PAPPA2: variants seen among roughly 807,000 people sequenced by gnomAD.
The protein encoded by PAPPA2 is pappalysin-2.
PAPPA2 carries 86 observed loss-of-function variants against 176.4 expected under a neutral mutation model. The ratio of observed to expected loss-of-function variants is 0.49; its 90% CI spans 0.41 to 0.58. The LOEUF (loss-of-function observed/expected upper bound fraction) is 0.58. Ranked by LOEUF, PAPPA2 falls within the 20% of genes least tolerant of loss-of-function variation. PAPPA2 has a pLI of 0.00. For synonymous variants in PAPPA2, 809 were observed against 852.2 expected, an observed-to-expected ratio of 0.95 and a Z score of 0.88; for missense variants, 2,073 against 2,256.9, an observed-to-expected ratio of 0.92 and a Z score of 1.65.
intron 1 of PAPPA2, among the ~76,000 whole-genome samples, chr1:176,548,097 A>G (rs1650738434): frequency 6.6e-6 from 1 of 152,224 alleles, no homozygotes; most frequent in African/African-American, 2.4e-5. Context: ...TTAGATGAAA[A>G]TGAAATATTT....
At chr1:176,513,809 G>A (rs1648752328) in intron 1 of PAPPA2, among the ~76,000 whole-genome samples, 2 of 152,074 alleles carry the variant, frequency 1.3e-5, no homozygotes, top group Admixed American at 1.3e-4. Context: ...GAATCTTGGT[G>A]GAAGCTCAAG....
chr1:176,752,786 A>C (rs1001612324), intron 14 of PAPPA2, among the ~76,000 whole-genome samples: 5 of 152,216 alleles, frequency 3.3e-5, no homozygotes, highest in African/African-American at 1.2e-4. Flanking sequence ...TGTTAATCTT[A>C]TCTTCAGGTT....
intron 20 of PAPPA2, among the ~76,000 whole-genome samples, chr1:176,794,450 C>G (rs1258538374): frequency 6.6e-6 from 1 of 152,164 alleles, no homozygotes; most frequent in Non-Finnish European, 1.5e-5. Context: ...ACAAATCTTA[C>G]CCCTTGGAAA....
chr1:176,560,229 A>T (rs539919141), intron 2 of PAPPA2, among the ~76,000 whole-genome samples: 4 of 152,314 alleles, frequency 2.6e-5, no homozygotes, highest in Admixed American at 6.5e-5. Flanking sequence ...ACTAACTTGC[A>T]CTTTAGCAAC....
intron 1 of PAPPA2, among the ~76,000 whole-genome samples, chr1:176,504,389 A>G (rs1323058092): frequency 6.6e-6 from 1 of 152,122 alleles, no homozygotes; most frequent in East Asian, 1.9e-4. Context: ...ATATATAAAT[A>G]TATTCTGTTC....
At chr1:176,653,783 T>C (rs1202738177) in intron 3 of PAPPA2, among the ~76,000 whole-genome samples, 2 of 151,650 alleles carry the variant, frequency 1.3e-5, no homozygotes, top group Non-Finnish European at 3.0e-5. Context: ...CTTTTGGAAT[T>C]GCATTTGTCA....
At chr1:176,731,160 T>G (rs1241898487) in intron 12 of PAPPA2, among the ~76,000 whole-genome samples, 1 of 152,128 alleles carries the variant, frequency 6.6e-6, no homozygotes, top group African/African-American at 2.4e-5. Context: ...CTTTTCCTTT[T>G]TAAATTTGTG....
chr1:176,587,556 C>A (rs1184627432), intron 2 of PAPPA2, among the ~76,000 whole-genome samples: 1 of 152,158 alleles, frequency 6.6e-6, no homozygotes, highest in Non-Finnish European at 1.5e-5. Context: ...GATCCTTTCC[C>A]CATTCCCTGT....
chr1:176,739,841 A>G, intron 13 of PAPPA2, 80 bp downstream of exon 13: 8 of 1,581,908 alleles, frequency 5.1e-6, no homozygotes, highest in Non-Finnish European at 6.9e-6. Context: ...TCTGTCTTTT[A>G]TGTTGTCTGG....
intron 21 of PAPPA2, among the ~76,000 whole-genome samples, chr1:176,801,787 T>C (rs571774989): frequency 1.1e-4 from 17 of 152,248 alleles, no homozygotes; most frequent in African/African-American, 3.8e-4. Flanking sequence ...ATGACAGGGC[T>C]TGGAGCTGGC....
At chr1:176,571,203 C>T (rs1253695329) in intron 2 of PAPPA2, among the ~76,000 whole-genome samples, 4 of 152,142 alleles carry the variant, frequency 2.6e-5, no homozygotes, top group Admixed American at 2.6e-4. Flanking sequence ...TCCACATGAC[C>T]CACCCATTAC....
At chr1:176,548,977 G>C (rs1286257951) in intron 1 of PAPPA2, among the ~76,000 whole-genome samples, 3 of 152,112 alleles carry the variant, frequency 2.0e-5, no homozygotes, top group Non-Finnish European at 4.4e-5. Flanking sequence ...GAATCAATTA[G>C]TATATATGAA....
Position 176,544,516 on chromosome 1 carries a change from C to T in PAPPA2, c.-916-10891C>T, listed in dbSNP as rs72715197. On this transcript the variant is annotated intron_variant, in intron 1 of 22. Transcript: ENST00000367662. ...TCAAATACTTTCGAGTAGGAAATCC[C>T]GACTGTTTTTCTTTATATTCATATG... Among the ~76,000 whole-genome samples, 375 of 152,194 alleles carry T rather than the reference C, an allele frequency of 2.5e-3. 1 individual carries two copies. The highest frequency in any genetic ancestry group is 5.4e-3 in the South Asian group (26 of 4,822).
At chr1:176,572,815 C>T (rs538797448) in intron 2 of PAPPA2, among the ~76,000 whole-genome samples, 1 of 152,260 alleles carries the variant, frequency 6.6e-6, no homozygotes, top group African/African-American at 2.4e-5. Context: ...ATGTTCATTG[C>T]AATAGGATTT....
At chr1:176,654,651 T>C (rs1657927649) in intron 3 of PAPPA2, among the ~76,000 whole-genome samples, 1 of 151,620 alleles carries the variant, frequency 6.6e-6, no homozygotes, top group Non-Finnish European at 1.5e-5. Flanking sequence ...ACTGACTCTA[T>C]AGATTGCTTG....
intron 3 of PAPPA2, among the ~76,000 whole-genome samples, chr1:176,635,049 T>G (rs1261412689): frequency 6.6e-6 from 1 of 151,864 alleles, no homozygotes. Flanking sequence ...GGACTAAACC[T>G]CAGGGAAATA....
rs35747415 is a variant in PAPPA2, at chr1:176,610,347, G to C, written c.1991+14752G>C. ...ATTAATGCTGCAAAGTTGTGTGTGG[G>C]GGGGGGGAGTAGGATTTATAGGAAT... On this transcript the variant is annotated intron_variant, in intron 3 of 22. Transcript: ENST00000367662. Among the ~76,000 whole-genome samples the C allele has an allele frequency of 3.8e-4, 51 of 133,392 alleles. 1 individual carries two copies. The highest frequency in any genetic ancestry group is 2.5e-3 in the Admixed American group (33 of 12,944). The allele number at this position is 133,392 out of a possible 152,430, so 87.5% of individuals were successfully genotyped here. A position where few individuals can be genotyped will look rare whatever the true frequency, so the allele number is the denominator to read the frequency against.
Position 176,791,461 on chromosome 1 carries a change from T to C in PAPPA2, c.4999T>C (p.Cys1667Arg), listed in dbSNP as rs1665175020. Residue 1667 changes from cysteine to arginine, a missense_variant, in exon 19 of 23, where the codon TGT becomes CGT. Around this residue, in one of 4 missense-constraint regions of PAPPA2, gnomAD observed 846 missense variants for 857.9 expected, o/e 0.99. Transcript: ENST00000367662. ...AGAGCTGAATTCTGTGGAGTACAAA[T>C]GTGAACAAGGATATGGGATTGGTAA... is the stretch of plus-strand genomic sequence containing the variant. ...PSELNSVEYKCEQGYGIGAVC... is the reference protein window; with the variant it reads ...PSELNSVEYKREQGYGIGAVC... The C allele has an allele frequency of 6.2e-7, 1 of 1,613,768 alleles. No homozygotes were observed. The highest frequency in any genetic ancestry group is 1.3e-5 in the African/African-American group (1 of 74,912).
chr1:176,590,886 C>T (rs536041215), intron 2 of PAPPA2, among the ~76,000 whole-genome samples: 5 of 152,106 alleles, frequency 3.3e-5, no homozygotes, highest in African/African-American at 1.2e-4. Context: ...CTCTCTGCAC[C>T]CAGTCTGACA....
Sources: allele counts gnomAD v4.1 joint callset (sites outside exome capture counted in the v4.1 genomes callset), GRCh38; gene constraint gnomAD v4.1.1; regional missense constraint gnomAD v4.1.1; transcripts MANE v1.5; gene names NCBI Gene and HGNC (gene_info 2026-07-23, HGNC 2026-07-21).